The following IL17RA variants were observed in gnomAD, a reference collection of about 807,000 sequenced individuals.
IL17RA encodes interleukin 17 receptor A.
In IL17RA, 34 loss-of-function variants were observed where a neutral mutation model predicts 50.4. The observed-to-expected ratio is 0.67, with a 90% CI of 0.51 to 0.90. IL17RA has a LOEUF of 0.90. Among genes scored for constraint, IL17RA ranks in the 40% least tolerant of loss-of-function variants. IL17RA has a pLI of 0.00. For missense variants in IL17RA, 1,276 were observed against 1,169.8 expected, an observed-to-expected ratio of 1.09 and a Z score of -1.32; for synonymous variants, 585 against 510.4, an observed-to-expected ratio of 1.15 and a Z score of -1.97.
chr22:17,090,849 A>C (rs2123791441), intron 1 of IL17RA, among the ~76,000 whole-genome samples: 1 of 152,328 alleles, frequency 6.6e-6, no homozygotes, highest in East Asian at 1.9e-4. Context: ...CCTGCCCCAG[A>C]GATAATAATT....
intron 1 of IL17RA, among the ~76,000 whole-genome samples, chr22:17,085,683 C>T (rs1337775005): frequency 6.6e-6 from 1 of 152,168 alleles, no homozygotes; most frequent in Non-Finnish European, 1.5e-5. Flanking sequence ...CGGCGGGGCA[C>T]GGTCGGCCCT....
intron 1 of IL17RA, among the ~76,000 whole-genome samples, chr22:17,092,326 C>G (rs189308173): frequency 1.2e-3 from 185 of 152,226 alleles, no homozygotes; most frequent in South Asian, 2.7e-3. Flanking sequence ...AAATGTGTTT[C>G]CCTGAGTTCT....
intron 8 of IL17RA, 118 bp downstream of exon 8, chr22:17,103,695 A>C: frequency 1.3e-6 from 1 of 798,004 alleles, no homozygotes; most frequent in Non-Finnish European, 2.1e-6. Context: ...GGGAGTGTGC[A>C]CAGGTGGAGA....
At chr22:17,098,065 A>G (rs572549422) in intron 3 of IL17RA, 122 bp downstream of exon 3, 12 of 1,145,718 alleles carry the variant, frequency 1.0e-5, no homozygotes, top group African/African-American at 3.0e-5. Context: ...ATTTAGTGCT[A>G]TAAGGATCCG....
intron 5 of IL17RA, among the ~76,000 whole-genome samples, chr22:17,101,361 G>A (rs1459304771): frequency 2.6e-5 from 4 of 152,182 alleles, no homozygotes; most frequent in African/African-American, 7.2e-5. Context: ...CTGCACACAC[G>A]CGTGCACACA....
intron 1 of IL17RA, among the ~76,000 whole-genome samples, chr22:17,088,172 C>T (rs915596806): frequency 1.3e-5 from 2 of 152,180 alleles, no homozygotes; most frequent in Non-Finnish European, 2.9e-5. Context: ...GCAGGCTGTG[C>T]TTGTAAGTTC....
At position 17,100,157 on chromosome 22, in the gene IL17RA, A is replaced by AAAAC. The variant is rs58325355; in HGVS notation, c.424-195_424-194insCAAA. Among the ~76,000 whole-genome samples the AAAAC allele has an allele frequency of 5.1e-3, 780 of 151,906 alleles. 6 individuals are homozygous for AAAAC. The highest frequency in any genetic ancestry group is 0.018 in the African/African-American group (726 of 41,372). ...ATCCAGGTTTAAAAAAAAAAAAAAAAAAAACAGGCAGAAAGGACCAGAGGA... is the reference window on the plus strand; with the variant it reads ...ATCCAGGTTTAAAAAAAAAAAAAAAAAAACAAAACAGGCAGAAAGGACCAGAGGA... On this transcript the variant is annotated intron_variant, in intron 4 of 12. Transcript: ENST00000319363.
chr22:17,109,186 C>T lies in IL17RA; in HGVS notation c.1967C>T (p.Pro656Leu). ...AVAKLEPHLQPRGQPAPQPLH... is the reference protein window; with the variant it reads ...AVAKLEPHLQLRGQPAPQPLH... Reference sequence around the variant, plus strand: ...GCAAAGCTGGAACCTCACCTGCAGCCCCGGGGTCAGCCAGCGCCGCAGCCC... The same window carrying T: ...GCAAAGCTGGAACCTCACCTGCAGCTCCGGGGTCAGCCAGCGCCGCAGCCC... The change falls in exon 13 of 13, where the codon CCC (proline) becomes CTC (leucine). Residue 656 changes from proline to leucine, a missense_variant. Physicochemically the swap from Pro to Leu is moderately conservative, Grantham distance 98. Transcript: ENST00000319363. 1.3e-6 allele frequency: 2 copies of T among 1,520,886 alleles called. No homozygotes were observed. The highest frequency in any genetic ancestry group is 8.8e-7 in the Non-Finnish European group (1 of 1,139,458). 94.2% of individuals were successfully genotyped at this position (1,520,886 alleles called of 1,614,324 possible). A position where few individuals can be genotyped will look rare whatever the true frequency, so the allele number is the denominator to read the frequency against.
intron 5 of IL17RA, 116 bp downstream of exon 5, chr22:17,100,597 C>A: frequency 7.5e-7 from 1 of 1,332,168 alleles, no homozygotes; most frequent in Non-Finnish European, 1.1e-6. Context: ...ATTGCCAGCA[C>A]CTGGGACCCA....
Position 17,101,886 on chromosome 22 carries a change from C to T in IL17RA, c.551-110C>T, listed in dbSNP as rs17807076. ...GAGCTCACTCTGAAGGGGCCACCTG[C>T]GGACAGGCTCCCAGTGGGGAAAAGA... On this transcript the variant is annotated intron_variant, in intron 5 of 12. Coordinates refer to ENST00000319363, the MANE Select transcript of IL17RA (RefSeq NM_014339.7). The T allele has an allele frequency of 0.26, 353,282 of 1,382,570 alleles. 47,900 individuals are homozygous for T. Among genetic ancestry groups the T allele is most frequent in the Non-Finnish European group, 0.28 (278,582 of 980,976 alleles). The allele number at this position is 1,382,570 out of a possible 1,614,324, so 85.6% of individuals were successfully genotyped here. A position where few individuals can be genotyped will look rare whatever the true frequency, so the allele number is the denominator to read the frequency against.
rs889998318 is a variant in IL17RA, at chr22:17,109,302, G to T, written c.2083G>T (p.Ala695Ser). The T allele has an allele frequency of 5.9e-6, 9 of 1,536,280 alleles. No individual in the cohort carries two copies. Among genetic ancestry groups the T allele is most frequent in the African/African-American group, 1.4e-5 (1 of 73,226 alleles). ...GGCTGACGGTGCCGCAGTCCGGCTG[G>T]CACTGGCGGGGGAGGGCGAGGCCTG... Reference protein sequence around the residue: ...PLADGAAVRLALAGEGEACPL... With the variant: ...PLADGAAVRLSLAGEGEACPL... The change falls in exon 13 of 13, where the codon GCA becomes TCA. Residue 695 changes from alanine to serine, a missense_variant. Ala to Ser is a moderately conservative substitution (Grantham distance 99). Coordinates refer to ENST00000319363, the MANE Select transcript of IL17RA (RefSeq NM_014339.7).
Position 17,105,838 on chromosome 22 carries a change from T to C in IL17RA, c.944-15T>C. 1 of 1,606,426 alleles carries C rather than the reference T, an allele frequency of 6.2e-7. No homozygotes were observed. Among genetic ancestry groups the C allele is most frequent in the Non-Finnish European group, 8.5e-7 (1 of 1,173,482 alleles). On this transcript the variant is annotated splice_polypyrimidine_tract_variant and intron_variant, in intron 10 of 12. Transcript: ENST00000319363. ...AGGCCCCGCCGCATCACTCACGCTG[T>C]TCTGCTCACCGCAGACTACATGCCC...
chr22:17,110,038 G>C lies in IL17RA; in HGVS notation c.*218G>C, dbSNP rs138366380. ...ATCCCCAGGGGAATCCACACAGCCC[G>C]CTCCCAGGAGCTAATGGTAGAGCGT... On this transcript the variant is annotated 3_prime_UTR_variant, in exon 13 of 13. Transcript: ENST00000319363. 1.0e-5 allele frequency: 6 copies of C among 586,198 alleles called. No homozygotes were observed. The African/African-American group carries it at 1.1e-4, about 11-fold the overall frequency. 36.3% of individuals were successfully genotyped at this position (586,198 alleles called of 1,614,324 possible).
intron 1 of IL17RA, among the ~76,000 whole-genome samples, chr22:17,091,529 A>T (rs1196338693): frequency 6.6e-6 from 1 of 151,950 alleles, no homozygotes; most frequent in East Asian, 1.9e-4. Flanking sequence ...ACAAAAAAAA[A>T]TTAGCCAGGC....
In IL17RA at chr22:17,086,207, G is replaced by A. The variant is rs933143105; in HGVS notation, c.138+978G>A. On this transcript the variant is annotated intron_variant, in intron 1 of 12. Coordinates refer to ENST00000319363, the MANE Select transcript of IL17RA (RefSeq NM_014339.7). ...ACTCTCCTCTTCCCCGCATCCCCGA[G>A]GGGATCTTTCCTCCCCTCCACCTCC... Among the ~76,000 whole-genome samples, 7 of 152,008 alleles carry A rather than the reference G, an allele frequency of 4.6e-5. 1 individual carries two copies. The highest frequency in any genetic ancestry group is 7.3e-5 in the African/African-American group (3 of 41,370).
chr22:17,115,116 C>G lies in IL17RA; in HGVS notation c.*5296C>G, dbSNP rs2061462134. The G allele has an allele frequency of 1.3e-5, 2 of 152,388 alleles. No homozygotes were observed. Among genetic ancestry groups the G allele is most frequent in the South Asian group, 4.1e-4 (2 of 4,830 alleles). The allele number at this position is 152,388 out of a possible 1,614,324, so 9.4% of individuals were successfully genotyped here. On this transcript the variant is annotated 3_prime_UTR_variant, in exon 13 of 13. Transcript: ENST00000319363. ...TGTCACAAAGTGCCTTCTGATATGC[C>G]TGGCAAACCAAAATCGGTGAGCGCC... is the stretch of plus-strand genomic sequence containing the variant.
rs201544926 is a variant in IL17RA at position 17,112,998 on chromosome 22, T to TTGTG, written c.*3181_*3182insGTGT. ...TACTATCTTGATCCTAGTTTTTTTTTTGTTTTTTTTTTTTTTAAGGAATAA... is the reference window on the plus strand; with the variant it reads ...TACTATCTTGATCCTAGTTTTTTTTTTGTGTGTTTTTTTTTTTTTTAAGGAATAA... On this transcript the variant is annotated 3_prime_UTR_variant, in exon 13 of 13. Coordinates refer to ENST00000319363, the MANE Select transcript of IL17RA (RefSeq NM_014339.7). 1.7e-5 allele frequency: 1 copy of TTGTG among 58,450 alleles called. No homozygotes were observed. The highest frequency in any genetic ancestry group is 4.0e-5 in the Non-Finnish European group (1 of 24,964). The allele number at this position is 58,450 out of a possible 1,614,324, so 3.6% of individuals were successfully genotyped here. A position where few individuals can be genotyped will look rare whatever the true frequency, so the allele number is the denominator to read the frequency against.
At chr22:17,104,911 G>C (rs2061408031) in intron 9 of IL17RA, 101 bp downstream of exon 9, 1 of 1,133,952 alleles carries the variant, frequency 8.8e-7, no homozygotes, top group South Asian at 1.3e-5. Flanking sequence ...GGTGATTAGG[G>C]AGGAGAGTTT....
Position 17,108,809 on chromosome 22 carries a change from G to A in IL17RA, c.1590G>A (p.Glu530=). Residue 530 remains glutamate (E), a synonymous_variant, in exon 13 of 13, where the codon GAG becomes GAA. Coordinates refer to ENST00000319363, the MANE Select transcript of IL17RA (RefSeq NM_014339.7). ...APRYPLMDRF[E]EVYFRIQDLE... ...GGTACCCGCTCATGGACAGGTTCGA[G>A]GAGGTGTACTTCCGCATCCAGGACC... 2 of 1,607,576 alleles carry A rather than the reference G, an allele frequency of 1.2e-6. No homozygotes were observed. The highest frequency in any genetic ancestry group is 1.7e-6 in the Non-Finnish European group (2 of 1,177,212).
Sources: gnomAD v4.1 joint callset for allele counts (sites outside exome capture counted in the v4.1 genomes callset) on GRCh38, gnomAD v4.1.1 for gene constraint, MANE v1.5 for transcripts, NCBI Gene and HGNC (gene_info 2026-07-23, HGNC 2026-07-21) for gene names.